The following IGDCC3 variants were observed in gnomAD, a reference collection of about 807,000 sequenced individuals.
IGDCC3 encodes the protein immunoglobulin superfamily DCC subclass member 3, also known as putative neuronal cell adhesion molecule.
IGDCC3 carries 47 observed loss-of-function variants against 72.0 expected under a neutral mutation model. That is an observed-to-expected ratio of 0.65 (90% CI 0.52 to 0.83). The LOEUF (loss-of-function observed/expected upper bound fraction) is 0.83. Ranked by LOEUF, IGDCC3 falls within the 40% of genes least tolerant of loss-of-function variation. IGDCC3 has a pLI of 0.00. For synonymous variants in IGDCC3, 477 were observed against 472.8 expected (o/e 1.01, Z -0.11); for missense variants, 1,038 against 1,091.3 (o/e 0.95, Z 0.69).
At chr15:65,355,448 GC>G (rs900214237) in intron 2 of IGDCC3, among the ~76,000 whole-genome samples, 69 of 151,834 alleles carry the variant, frequency 4.5e-4, no homozygotes, top group Admixed American at 3.1e-3. Flanking sequence ...AGCCACCGGA[GC>G]CCCGGTCCAA....
At chr15:65,372,422 C>A (rs1567073588) in intron 2 of IGDCC3, among the ~76,000 whole-genome samples, 1 of 152,182 alleles carries the variant, frequency 6.6e-6, no homozygotes, top group African/African-American at 2.4e-5. Context: ...AAAAGGGAAA[C>A]GCTTGAAACT....
chr15:65,354,719 C>T (rs1445583277), intron 2 of IGDCC3, among the ~76,000 whole-genome samples: 1 of 152,216 alleles, frequency 6.6e-6, no homozygotes, highest in East Asian at 1.9e-4. Context: ...GATCACTCCT[C>T]ATCTTGTCTT....
At chr15:65,360,188 C>G (rs1595762347) in intron 2 of IGDCC3, among the ~76,000 whole-genome samples, 1 of 152,352 alleles carries the variant, frequency 6.6e-6, no homozygotes, top group East Asian at 1.9e-4. Context: ...GGATCCTTTT[C>G]AAACTGATGT....
Position 65,375,207 on chromosome 15 carries a change from T to C in IGDCC3, c.299A>G (p.His100Arg). 1.9e-6 allele frequency: 3 copies of C among 1,614,240 alleles called. No individual in the cohort carries two copies. The East Asian group carries it at 6.7e-5, about 36-fold the overall frequency. The change falls in exon 2 of 14, where the codon CAC becomes CGC. Residue 100 changes from histidine (H) to arginine (R), a missense_variant. By Grantham distance (29) the His-to-Arg change is conservative (BLOSUM62 0). Coordinates refer to ENST00000327987, the MANE Select transcript of IGDCC3 (RefSeq NM_004884.4). ...GCTGCCTCCCGGCTCCAGCCTGAAG[T>C]GACGGATCATCAAGGACCCATTGGC... Reference protein sequence around the residue: ...LLANGSLMIRHFRLEPGGSPS... With the variant: ...LLANGSLMIRRFRLEPGGSPS...
chr15:65,329,021 C>T lies in IGDCC3; in HGVS notation c.2333G>A (p.Gly778Asp), dbSNP rs776810011. 14 of 1,612,190 alleles carry T rather than the reference C, an allele frequency of 8.7e-6. No individual in the cohort carries two copies. In the African/African-American group the frequency reaches 1.7e-4, roughly 20 times the overall value. The change falls in exon 14 of 14, where the codon GGC becomes GAC. Residue 778 changes from glycine to aspartate, a missense_variant. Transcript: ENST00000327987. This position sits in a 1 kb window ranked among gnomAD's most constrained non-coding sequence, Gnocchi z 4.1. The stretch of plus-strand genomic sequence containing the variant: ...TGGGGGTGGTGGGGCAGCCGCCAGG[C>T]CGGCGCAGGGAGCCGTGGCCTCTGT... ...KTTEATAPCA[G>D]LAAAPPPPDG...
At position 65,354,641 on chromosome 15, in the gene IGDCC3, C is replaced by T. The variant is rs150304243; in HGVS notation, c.410-18685G>A. 2.8e-3 allele frequency among the ~76,000 whole-genome samples: 430 copies of T among 152,294 alleles called. 2 individuals carry two copies. The highest frequency in any genetic ancestry group is 9.9e-3 in the African/African-American group (413 of 41,552). On this transcript the variant is annotated intron_variant, in intron 2 of 13. Coordinates refer to ENST00000327987, the MANE Select transcript of IGDCC3 (RefSeq NM_004884.4). ...CTACCTCCAGCACCTAGAACAAATA[C>T]TAGGTAAACACTAAGTCCTCATAAA...
intron 2 of IGDCC3, among the ~76,000 whole-genome samples, chr15:65,368,185 CA>C: frequency 6.6e-6 from 1 of 151,558 alleles, no homozygotes; most frequent in African/African-American, 2.4e-5. Flanking sequence ...CACACACACA[CA>C]CACACACACA....
At chr15:65,364,576 A>T (rs2091279167) in intron 2 of IGDCC3, among the ~76,000 whole-genome samples, 1 of 152,090 alleles carries the variant, frequency 6.6e-6, no homozygotes, top group Admixed American at 6.6e-5. Context: ...CCCACAGATA[A>T]ACCAGAGCAG....
chr15:65,370,620 G>GTGTATATATA (rs1491326161), intron 2 of IGDCC3, among the ~76,000 whole-genome samples: 14 of 94,576 alleles, frequency 1.5e-4, no homozygotes, highest in African/African-American at 3.8e-4. Flanking sequence ...ATATGTATGT[G>GTGTATATATA]TATATATATA....
At chr15:65,334,668 C>T (rs985470945) in intron 5 of IGDCC3, 60 bp downstream of exon 5, 14 of 1,408,354 alleles carry the variant, frequency 9.9e-6, no homozygotes, top group Admixed American at 2.5e-5. Flanking sequence ...AGTCTGAGAC[C>T]GGCCCTCCCA....
intron 7 of IGDCC3, 128 bp downstream of exon 7, chr15:65,331,813 A>T: frequency 7.2e-7 from 1 of 1,384,112 alleles, no homozygotes; most frequent in South Asian, 1.4e-5. Context: ...ACTCCACCTC[A>T]ATCTCCAGAC....
At position 65,329,999 on chromosome 15, in the gene IGDCC3, T is replaced by C. The variant is rs2090962298; in HGVS notation, c.1859-135A>G. On this transcript the variant is annotated intron_variant, in intron 11 of 13. Coordinates refer to ENST00000327987, the MANE Select transcript of IGDCC3 (RefSeq NM_004884.4). The surrounding 1 kb of genome is among the most constrained non-coding windows in gnomAD (Gnocchi z 4.1). ...AGTGGGAACATCCTTTGACTTTGCCTACAGGACTCCAGACCAATCTTTTTG... is the reference window on the plus strand; with the variant it reads ...AGTGGGAACATCCTTTGACTTTGCCCACAGGACTCCAGACCAATCTTTTTG... 1 of 918,680 alleles carries C rather than the reference T, an allele frequency of 1.1e-6. No individual in the cohort carries two copies. The highest frequency in any genetic ancestry group is 2.5e-5 in the East Asian group (1 of 40,568). The allele number at this position is 918,680 out of a possible 1,614,324, so 56.9% of individuals were successfully genotyped here. A position where few individuals can be genotyped will look rare whatever the true frequency, so the allele number is the denominator to read the frequency against.
At chr15:65,370,506 CA>C (rs201261288) in intron 2 of IGDCC3, among the ~76,000 whole-genome samples, 80 of 33,128 alleles carry the variant, frequency 2.4e-3, no homozygotes, top group South Asian at 7.6e-3. Context: ...GACTTGGTCT[CA>C]AAAAAAAAAT....
chr15:65,355,967 C>A, intron 2 of IGDCC3: 1 of 271,406 alleles, frequency 3.7e-6, no homozygotes, highest in South Asian at 2.5e-5. Context: ...ATAGGCCCTT[C>A]ACCTTCCGTG....
intron 5 of IGDCC3, 31 bp downstream of exon 5, chr15:65,334,697 G>A: frequency 6.6e-7 from 1 of 1,519,094 alleles, no homozygotes; most frequent in Non-Finnish European, 8.8e-7. Flanking sequence ...GACAGGCTGG[G>A]AGGGGCAGGG....
intron 2 of IGDCC3, among the ~76,000 whole-genome samples, chr15:65,358,837 T>C (rs1013751400): frequency 2.6e-5 from 4 of 151,914 alleles, no homozygotes; most frequent in Admixed American, 2.6e-4. Flanking sequence ...TTAGTTTATT[T>C]TTCTTTTAGA....
Position 65,329,224 on chromosome 15 carries a change from T to G in IGDCC3, c.2206-76A>C. Reference sequence around the variant, plus strand: ...GGCTCCAACTCACCCCACTTGGGCCTTAGGGTCTCCAGGTCTCCCTGCCTG... The same window carrying G: ...GGCTCCAACTCACCCCACTTGGGCCGTAGGGTCTCCAGGTCTCCCTGCCTG... On this transcript the variant is annotated intron_variant, in intron 13 of 13. Transcript: ENST00000327987. The surrounding 1 kb of genome is among the most constrained non-coding windows in gnomAD (Gnocchi z 4.1). The G allele has an allele frequency of 1.3e-6, 2 of 1,533,100 alleles. No homozygotes were observed. The highest frequency in any genetic ancestry group is 4.2e-5 in the Admixed American group (2 of 47,162). 95.0% of individuals were successfully genotyped at this position (1,533,100 alleles called of 1,614,324 possible).
At chr15:65,346,461 C>A (rs1371290758) in intron 2 of IGDCC3, among the ~76,000 whole-genome samples, 2 of 121,578 alleles carry the variant, frequency 1.6e-5, no homozygotes, top group Non-Finnish European at 3.4e-5. Flanking sequence ...CGAGACTCAG[C>A]TCTTTTTTTT....
Position 65,344,852 on chromosome 15 carries a change from G to A in IGDCC3, c.410-8896C>T, listed in dbSNP as rs544840109. 2.1e-4 allele frequency among the ~76,000 whole-genome samples: 32 copies of A among 152,230 alleles called. No individual in the cohort carries two copies. The South Asian group carries it at 5.0e-3, about 24-fold the overall frequency. On this transcript the variant is annotated intron_variant, in intron 2 of 13. Coordinates refer to ENST00000327987, the MANE Select transcript of IGDCC3 (RefSeq NM_004884.4). ...GTGTGCTGTGGGATGCAGGAAGGGCGCCTGCCTTAGACAGCACAGGGACTG... is the reference window on the plus strand; with the variant it reads ...GTGTGCTGTGGGATGCAGGAAGGGCACCTGCCTTAGACAGCACAGGGACTG...
Sources: gnomAD v4.1 joint callset for allele counts (sites outside exome capture counted in the v4.1 genomes callset) on GRCh38, gnomAD v4.1.1 for gene constraint, Gnocchi (gnomAD v3.1) non-coding constraint, MANE v1.5 for transcripts, NCBI Gene and HGNC (gene_info 2026-07-23, HGNC 2026-07-21) for gene names.